The following FBXL17 variants were observed in gnomAD, a reference collection of about 807,000 sequenced individuals.
The protein encoded by FBXL17 is F-box and leucine rich repeat protein 17.
FBXL17 carries 22 observed loss-of-function variants against 66.2 expected under a neutral mutation model. The observed-to-expected ratio is 0.33, with a 90% CI of 0.24 to 0.47. The LOEUF (loss-of-function observed/expected upper bound fraction) is 0.47, where lower values mean the gene tolerates loss of function less well. FBXL17 is among the 20% of genes least tolerant of loss of function. The pLI, the probability that FBXL17 is intolerant of heterozygous loss-of-function variation, is 1.00. For missense variants in FBXL17, 878 were observed against 948.2 expected (o/e 0.93, Z 0.97); for synonymous variants, 474 against 400.5 (o/e 1.18, Z -2.19).
chr5:108,298,606 C>A (rs1470203012), intron 4 of FBXL17: 3 of 941,042 alleles, frequency 3.2e-6, no homozygotes, highest in East Asian at 1.2e-4. Context: ...AAATATAAAT[C>A]TTTTTTTTAA....
intron 4 of FBXL17, among the ~76,000 whole-genome samples, chr5:108,288,361 CAT>C (rs1561508686): frequency 6.6e-6 from 1 of 150,760 alleles, no homozygotes; most frequent in African/African-American, 2.4e-5. Flanking sequence ...GAAATTAGCA[CAT>C]GCTATTGAAA....
At chr5:108,263,413 T>A (rs1210544804) in intron 4 of FBXL17, among the ~76,000 whole-genome samples, 30 of 152,162 alleles carry the variant, frequency 2.0e-4, no homozygotes, top group Admixed American at 2.0e-3. Context: ...GGGAATTCAG[T>A]GAAGTTGCCA....
intron 4 of FBXL17, among the ~76,000 whole-genome samples, chr5:108,256,392 G>A (rs1756579361): frequency 6.6e-6 from 1 of 151,858 alleles, no homozygotes; most frequent in South Asian, 2.1e-4. Context: ...AAATTATATA[G>A]GCACCTGGCT....
chr5:108,115,393 C>T (rs561942939), intron 6 of FBXL17, among the ~76,000 whole-genome samples: 2 of 151,634 alleles, frequency 1.3e-5, no homozygotes, highest in Admixed American at 6.6e-5. Context: ...AAAAAGCTCA[C>T]GCTATCATAT....
intron 1 of FBXL17, among the ~76,000 whole-genome samples, chr5:108,369,612 A>C (rs1748899279): frequency 6.6e-6 from 1 of 151,414 alleles, no homozygotes; most frequent in Non-Finnish European, 1.5e-5. Context: ...TAAATATATA[A>C]TATAAAAATA....
intron 7 of FBXL17, among the ~76,000 whole-genome samples, chr5:107,962,641 G>C (rs1413934218): frequency 6.6e-6 from 1 of 150,926 alleles, no homozygotes; most frequent in Non-Finnish European, 1.5e-5. Context: ...CTATGAGCTA[G>C]TCTTTCTGGA....
At chr5:107,937,965 T>C (rs1580728991) in intron 7 of FBXL17, among the ~76,000 whole-genome samples, 1 of 152,172 alleles carries the variant, frequency 6.6e-6, no homozygotes, top group African/African-American at 2.4e-5. Flanking sequence ...TTCTCCTACA[T>C]GGCTAGAGAC....
chr5:107,980,258 G>T (rs925478653), intron 7 of FBXL17, among the ~76,000 whole-genome samples: 5 of 152,048 alleles, frequency 3.3e-5, no homozygotes, highest in Non-Finnish European at 5.9e-5. Flanking sequence ...AAAAGGACTT[G>T]ATGAAGCTTG....
intron 7 of FBXL17, among the ~76,000 whole-genome samples, chr5:107,926,134 GA>G (rs1750517211): frequency 6.6e-6 from 1 of 152,130 alleles, no homozygotes; most frequent in Non-Finnish European, 1.5e-5. Flanking sequence ...CTAGCTCCTA[GA>G]AAAGTACCTA....
chr5:108,035,636 G>C (rs1746813172), intron 6 of FBXL17, among the ~76,000 whole-genome samples: 1 of 152,046 alleles, frequency 6.6e-6, no homozygotes, highest in Admixed American at 6.5e-5. Context: ...CAAAGTGCTA[G>C]GATTACAGGC....
chr5:107,975,866 T>G (rs1288840979), intron 7 of FBXL17, among the ~76,000 whole-genome samples: 1 of 150,278 alleles, frequency 6.7e-6, no homozygotes, highest in African/African-American at 2.4e-5. Flanking sequence ...TGTTTTTTTT[T>G]TTTTTTTTTT....
At chr5:107,885,934 A>G (rs1308865769) in intron 7 of FBXL17, among the ~76,000 whole-genome samples, 4 of 132,196 alleles carry the variant, frequency 3.0e-5, no homozygotes, top group Non-Finnish European at 6.5e-5. Context: ...ATAATGCTTT[A>G]CACACTTCCC....
chr5:108,017,470 A>T (rs1003931809), intron 7 of FBXL17, among the ~76,000 whole-genome samples: 4 of 152,176 alleles, frequency 2.6e-5, no homozygotes, highest in African/African-American at 7.2e-5. Flanking sequence ...TATGACAAGA[A>T]CTGCCAATTA....
At chr5:107,890,460 A>G (rs1279407507) in intron 7 of FBXL17, among the ~76,000 whole-genome samples, 1 of 151,884 alleles carries the variant, frequency 6.6e-6, no homozygotes, top group African/African-American at 2.4e-5. Flanking sequence ...CCCGGAGTTC[A>G]AGACCAGCCT....
At chr5:108,081,907 C>T (rs1748785827) in intron 6 of FBXL17, among the ~76,000 whole-genome samples, 1 of 152,182 alleles carries the variant, frequency 6.6e-6, no homozygotes, top group African/African-American at 2.4e-5. Context: ...AGACTGCTGA[C>T]TCAGCTGAAC....
At position 108,367,894 on chromosome 5, in the gene FBXL17, G is replaced by A. The variant is rs1473855710; in HGVS notation, c.1053C>T (p.Tyr351=). Residue 351 remains tyrosine, a synonymous_variant, in exon 2 of 9, where the codon TAC becomes TAT. Transcript: ENST00000542267. ...RCLSASLVCK[Y]WRDLCLDFQF... is the part of the protein sequence containing the mutation. ...GGAAGTCTAAACAAAGGTCACGCCA[G>A]TACTTGCAAACCAATGATGCGGAAA... The A allele has an allele frequency of 1.1e-5, 17 of 1,550,964 alleles. No homozygotes were observed. The highest frequency in any genetic ancestry group is 1.5e-5 in the Non-Finnish European group (17 of 1,146,422).
At chr5:108,126,331 G>T (rs1174300683) in intron 6 of FBXL17, among the ~76,000 whole-genome samples, 2 of 151,960 alleles carry the variant, frequency 1.3e-5, no homozygotes, top group Non-Finnish European at 2.9e-5. Flanking sequence ...ACTAGATCAG[G>T]TTCACTCACT....
intron 7 of FBXL17, among the ~76,000 whole-genome samples, chr5:107,925,030 A>G (rs1405268337): frequency 1.3e-5 from 2 of 152,152 alleles, no homozygotes; most frequent in Non-Finnish European, 2.9e-5. Context: ...TAAAGATTTG[A>G]TTTACTTTGG....
intron 4 of FBXL17, among the ~76,000 whole-genome samples, chr5:108,326,832 G>A (rs906905166): frequency 2.6e-5 from 4 of 152,088 alleles, no homozygotes; most frequent in African/African-American, 7.2e-5. Context: ...TGTTGGTAGC[G>A]ACATAGTAGT....
Sources: allele counts gnomAD v4.1 joint callset (sites outside exome capture counted in the v4.1 genomes callset), GRCh38; gene constraint gnomAD v4.1.1; transcripts MANE v1.5; gene names NCBI Gene and HGNC (gene_info 2026-07-23, HGNC 2026-07-21).